The following KANK1 variants were observed in gnomAD, a reference collection of about 807,000 sequenced individuals.
The protein encoded by KANK1 is KN motif and ankyrin repeat domains 1.
A neutral mutation model predicts 106.2 loss-of-function variants in KANK1; 109 were observed. The observed-to-expected ratio is 1.03, with a 90% confidence interval of 0.88 to 1.20. KANK1 has a LOEUF of 1.20. KANK1 is among the 50% of genes most tolerant of loss of function. KANK1 has a pLI of 0.00. For synonymous variants in KANK1, 873 were observed against 652.2 expected (o/e 1.34, Z -5.16); for missense variants, 2,399 against 1,710.7 (o/e 1.40, Z -7.10).
intron 3 of KANK1, among the ~76,000 whole-genome samples, chr9:718,953 CTTTTTTTTTTT>C (rs35097931): frequency 2.6e-5 from 2 of 78,280 alleles, no homozygotes; most frequent in African/African-American, 1.0e-4. Flanking sequence ...TGCTCGAGCC[CTTTTTTTTTTT>C]TTTTTTTTTT....
chr9:508,379 C>A (rs1436305175), intron 1 of KANK1, among the ~76,000 whole-genome samples: 1 of 152,190 alleles, frequency 6.6e-6, no homozygotes, highest in South Asian at 2.1e-4. Context: ...TCAGGTGATC[C>A]GCCTGCCTTG....
At chr9:674,607 G>A (rs1472503022) in intron 1 of KANK1, among the ~76,000 whole-genome samples, 1 of 152,042 alleles carries the variant, frequency 6.6e-6, no homozygotes, top group African/African-American at 2.4e-5. Flanking sequence ...TAATCTTCAT[G>A]ATTGTAGCCT....
At chr9:609,527 G>T (rs536164045) in intron 1 of KANK1, among the ~76,000 whole-genome samples, 12 of 152,222 alleles carry the variant, frequency 7.9e-5, no homozygotes, top group Non-Finnish European at 1.5e-4. Flanking sequence ...TACTCAAAGG[G>T]CTGAGACAGG....
chr9:623,072 C>T (rs1473665610), intron 1 of KANK1, among the ~76,000 whole-genome samples: 2 of 151,942 alleles, frequency 1.3e-5, no homozygotes, highest in Non-Finnish European at 2.9e-5. Flanking sequence ...TACATCAAGC[C>T]AAAAAGCTTC....
rs550990252 is a variant in KANK1, at chr9:608,034, A to ATTATTAT, written c.-83-68854_-83-68853insATTATTT. On this transcript the variant is annotated intron_variant, in intron 1 of 11. Transcript: ENST00000382297. The stretch of plus-strand genomic sequence containing the variant: ...CAGAATTATTATTATTATTATTATT[A>ATTATTAT]TTTTTTTTTTTTTTGAGACGGAGTC... 4.9e-3 allele frequency among the ~76,000 whole-genome samples: 570 copies of ATTATTAT among 115,306 alleles called. 6 individuals are homozygous for ATTATTAT. The highest frequency in any genetic ancestry group is 6.9e-3 in the Non-Finnish European group (414 of 60,218). The allele number at this position is 115,306 out of a possible 152,430, so 75.6% of individuals were successfully genotyped here. A position where few individuals can be genotyped will look rare whatever the true frequency, so the allele number is the denominator to read the frequency against.
intron 1 of KANK1, among the ~76,000 whole-genome samples, chr9:672,546 C>A (rs1446589901): frequency 9.7e-6 from 1 of 102,784 alleles, no homozygotes; most frequent in Admixed American, 1.0e-4. Context: ...TCAACATTAC[C>A]ATCAATATTA....
intron 1 of KANK1, among the ~76,000 whole-genome samples, chr9:511,691 A>G (rs919027551): frequency 6.6e-6 from 1 of 152,270 alleles, no homozygotes; most frequent in South Asian, 2.1e-4. Flanking sequence ...TCTAATACTC[A>G]CACATAGTGT....
intron 1 of KANK1, among the ~76,000 whole-genome samples, chr9:589,247 T>G (rs1824244329): frequency 6.6e-6 from 1 of 152,138 alleles, no homozygotes; most frequent in Non-Finnish European, 1.5e-5. Flanking sequence ...AGGAGGAAAT[T>G]GACTTGGAGG....
intron 1 of KANK1, among the ~76,000 whole-genome samples, chr9:598,673 C>T (rs1248353990): frequency 3.7e-5 from 4 of 107,496 alleles, no homozygotes; most frequent in Admixed American, 2.6e-4. Context: ...TTCTGTTGCC[C>T]AGGCTGGAGT....
At chr9:503,774 CTG>C (rs1305342692), upstream of KANK1, among the ~76,000 whole-genome samples, 3 of 152,316 alleles carry the variant, frequency 2.0e-5, no homozygotes, top group Middle Eastern at 3.4e-3. Flanking sequence ...TTGAAAAAGA[CTG>C]AAGTCACAGC....
intron 8 of KANK1, among the ~76,000 whole-genome samples, chr9:740,417 C>G (rs751514408): frequency 6.6e-6 from 1 of 152,202 alleles, no homozygotes; most frequent in Non-Finnish European, 1.5e-5. Context: ...TCATGAATAG[C>G]TCACTACCTG....
chr9:712,972 A>AT lies in KANK1; in HGVS notation c.2208dup (p.Gly737TrpfsTer13), dbSNP rs751577223. On this transcript the variant is annotated frameshift_variant, in exon 3 of 12. Transcript: ENST00000382297. LOFTEE classifies it high-confidence loss of function. The stretch of plus-strand genomic sequence containing the variant: ...CAACTCCTCCACCAAGACGCGGTCC[A>AT]TTGGTGTTGGAACGTTGCTTTCTGG... 6.2e-7 allele frequency: 1 copy of AT among 1,614,202 alleles called. No homozygotes were observed. Among genetic ancestry groups the AT allele is most frequent in the Non-Finnish European group, 8.5e-7 (1 of 1,180,038 alleles).
At chr9:668,794 C>G (rs1845251246) in intron 1 of KANK1, among the ~76,000 whole-genome samples, 2 of 152,118 alleles carry the variant, frequency 1.3e-5, no homozygotes, top group Admixed American at 1.3e-4. Flanking sequence ...TTCCATAGAT[C>G]AGGCAGTGGG....
At chr9:580,596 A>T (rs1312817476) in intron 1 of KANK1, among the ~76,000 whole-genome samples, 1 of 152,198 alleles carries the variant, frequency 6.6e-6, no homozygotes, top group Non-Finnish European at 1.5e-5. Context: ...TGACTGGTGC[A>T]TTTGCAAACC....
intron 2 of KANK1, among the ~76,000 whole-genome samples, chr9:682,173 G>A (rs746603599): frequency 3.3e-5 from 5 of 151,706 alleles, no homozygotes; most frequent in African/African-American, 4.8e-5. Context: ...CCAGCTACTC[G>A]GGAGGCTGAG....
chr9:514,486 C>T (rs1050843370), intron 1 of KANK1, among the ~76,000 whole-genome samples: 1 of 150,302 alleles, frequency 6.7e-6, no homozygotes. Context: ...AACTCTTGCC[C>T]CGAGGGTATC....
intron 1 of KANK1, among the ~76,000 whole-genome samples, chr9:640,160 T>C (rs888638674): frequency 1.5e-4 from 23 of 152,214 alleles, no homozygotes; most frequent in African/African-American, 5.6e-4. Context: ...GGTTAAAGAC[T>C]CTTGGCTTCT....
At chr9:528,667 T>C (rs376010301) in intron 1 of KANK1, among the ~76,000 whole-genome samples, 1 of 151,764 alleles carries the variant, frequency 6.6e-6, no homozygotes, top group Non-Finnish European at 1.5e-5. Flanking sequence ...TTTGTATTTT[T>C]AGTAGAGACC....
intron 3 of KANK1, among the ~76,000 whole-genome samples, chr9:728,494 C>T (rs765248353): frequency 3.3e-5 from 5 of 152,326 alleles, no homozygotes; most frequent in Non-Finnish European, 4.4e-5. Flanking sequence ...CCACTGCTCC[C>T]GGCCTCTTCG....
Sources: gnomAD v4.1 joint callset for allele counts (sites outside exome capture counted in the v4.1 genomes callset) on GRCh38, gnomAD v4.1.1 for gene constraint, MANE v1.5 for transcripts, NCBI Gene and HGNC (gene_info 2026-07-23, HGNC 2026-07-21) for gene names.